Variants in VPS13A observed in about 807,000 individuals in gnomAD.
The protein encoded by VPS13A is vacuolar protein sorting 13 homolog A, also known as intermembrane lipid transfer protein VPS13A.
Under a neutral mutation model 390.9 loss-of-function variants are expected in VPS13A, and 264 were observed. The ratio of observed to expected loss-of-function variants is 0.68; its 90% CI spans 0.61 to 0.75. VPS13A has a LOEUF of 0.75. Among genes scored for constraint, VPS13A ranks in the 30% least tolerant of loss-of-function variants. VPS13A has a pLI of 0.00. For synonymous variants in VPS13A, 1,231 were observed against 1,227.1 expected (o/e 1.00, Z -0.07); for missense variants, 3,409 against 3,733.9 (o/e 0.91, Z 2.27).
chr9:77,223,921 G>A (rs1431565571), intron 13 of VPS13A, among the ~76,000 whole-genome samples: 2 of 152,106 alleles, frequency 1.3e-5, no homozygotes, highest in Admixed American at 1.3e-4. Context: ...AAGCTTCAAA[G>A]GACAGGCTGA....
At chr9:77,212,867 A>G (rs1372839244) in intron 7 of VPS13A, 102 bp from the exon 8 acceptor site, 5 of 1,241,772 alleles carry the variant, frequency 4.0e-6, no homozygotes, top group Admixed American at 3.6e-5. Flanking sequence ...AGGCATTTTC[A>G]TGAAAGGGAC....
chr9:77,392,456 A>G (rs1349651759), intron 68 of VPS13A, among the ~76,000 whole-genome samples: 12 of 152,150 alleles, frequency 7.9e-5, no homozygotes, highest in Admixed American at 7.9e-4. Context: ...ATTTTTTATT[A>G]TGCTTATCTG....
At position 77,205,353 on chromosome 9, in the gene VPS13A, T is replaced by C. The variant is rs115443572; in HGVS notation, c.228T>C (p.Thr76=). The change falls in exon 4 of 72, where the codon ACT becomes ACC. Residue 76 remains threonine (T), a synonymous_variant. Coordinates refer to ENST00000360280, the MANE Select transcript of VPS13A (RefSeq NM_033305.3). Reference sequence around the variant, plus strand: ...TAATTCCATGGAAAAACCTTTATACTCAACCTGTTGAAGCCGTATTGGAAG... The same window carrying C: ...TAATTCCATGGAAAAACCTTTATACCCAACCTGTTGAAGCCGTATTGGAAG... The part of the protein sequence containing the change: ...KLIIPWKNLY[T]QPVEAVLEEI... 1.6e-3 allele frequency: 2,348 copies of C among 1,514,484 alleles called. 35 individuals carry two copies. The African/African-American group carries it at 0.029, about 19-fold the overall frequency. 93.8% of individuals were successfully genotyped at this position (1,514,484 alleles called of 1,614,324 possible). A position where few individuals can be genotyped will look rare whatever the true frequency, so the allele number is the denominator to read the frequency against.
Position 77,264,852 on chromosome 9 carries a change from A to AGAGGG in VPS13A, c.2427+4629_2427+4633dup, listed in dbSNP as rs1159690470. Reference sequence around the variant, plus strand: ...TACTATGTTGAATAGGAGTGGTGAGAGAGGGCATTCTTGTCTTGTGCCAGT... The same window carrying AGAGGG: ...TACTATGTTGAATAGGAGTGGTGAGAGAGGGGAGGGCATTCTTGTCTTGTGCCAGT... On this transcript the variant is annotated intron_variant, in intron 23 of 71. Coordinates refer to ENST00000360280, the MANE Select transcript of VPS13A (RefSeq NM_033305.3). Among the ~76,000 whole-genome samples the AGAGGG allele has an allele frequency of 5.6e-4, 86 of 152,310 alleles. 3 individuals are homozygous for AGAGGG. The highest frequency in any genetic ancestry group is 1.9e-4 in the Non-Finnish European group (13 of 68,038).
chr9:77,197,761 C>G (rs1825087561), intron 1 of VPS13A, among the ~76,000 whole-genome samples: 1 of 151,978 alleles, frequency 6.6e-6, no homozygotes, highest in African/African-American at 2.4e-5. Context: ...TAATTTTATA[C>G]AATATTTTAA....
At chr9:77,259,761 T>C (rs144891455) in intron 22 of VPS13A, among the ~76,000 whole-genome samples, 1 of 152,272 alleles carries the variant, frequency 6.6e-6, no homozygotes, top group Non-Finnish European at 1.5e-5. Context: ...GCCTCATAGA[T>C]TGTGAGGACT....
At chr9:77,280,819 A>G (rs1564691553) in intron 27 of VPS13A, among the ~76,000 whole-genome samples, 1 of 152,188 alleles carries the variant, frequency 6.6e-6, no homozygotes, top group African/African-American at 2.4e-5. Context: ...GCTATCCATT[A>G]TTGACTAGAT....
intron 1 of VPS13A, chr9:77,178,303 G>C (rs547662482): frequency 4.7e-4 from 73 of 154,586 alleles, no homozygotes; most frequent in African/African-American, 1.7e-3. Context: ...GGGGACGCCC[G>C]CTTCCTTGCT....
At chr9:77,292,003 C>T (rs1441348476) in intron 31 of VPS13A, among the ~76,000 whole-genome samples, 2 of 152,132 alleles carry the variant, frequency 1.3e-5, no homozygotes, top group East Asian at 1.9e-4. Flanking sequence ...CCCTAGGATA[C>T]TGTATCTTCA....
intron 1 of VPS13A, among the ~76,000 whole-genome samples, chr9:77,193,868 G>T (rs935932453): frequency 1.3e-5 from 2 of 152,076 alleles, no homozygotes; most frequent in Admixed American, 1.3e-4. Flanking sequence ...GAGTTTAGTC[G>T]ACTGGCATAG....
chr9:77,390,128 C>T (rs1471288302), intron 68 of VPS13A: 17 of 985,244 alleles, frequency 1.7e-5, no homozygotes, highest in Non-Finnish European at 2.0e-5. Context: ...TTCCTGGCTT[C>T]ATCTGAAAAT....
chr9:77,283,382 T>C lies in VPS13A; in HGVS notation c.3146T>C (p.Ile1049Thr), dbSNP rs1437731472. The stretch of plus-strand genomic sequence containing the variant: ...TTAAAACTATCCACAAATGAAGATA[T>C]CATTACTTTGCAGATTTTAGCAGAA... ...LALKLSTNED[I>T]ITLQILAELS... Residue 1049 changes from isoleucine (I) to threonine (T), a missense_variant, in exon 30 of 72, where the codon ATC becomes ACC. Ile to Thr is a moderately conservative substitution (Grantham distance 89). Around this residue, in one of 5 missense-constraint regions of VPS13A, gnomAD observed 2,717 missense variants for 2,917.4 expected, o/e 0.93. Coordinates refer to ENST00000360280, the MANE Select transcript of VPS13A (RefSeq NM_033305.3). 12 of 1,603,694 alleles carry C rather than the reference T, an allele frequency of 7.5e-6. 1 individual carries two copies. In the South Asian group the frequency reaches 1.1e-4, roughly 15 times the overall value.
At chr9:77,188,055 C>G (rs966988871) in intron 1 of VPS13A, among the ~76,000 whole-genome samples, 3 of 152,138 alleles carry the variant, frequency 2.0e-5, no homozygotes, top group Non-Finnish European at 4.4e-5. Flanking sequence ...GCTGTCCTTG[C>G]AATAGTTCTT....
intron 71 of VPS13A, among the ~76,000 whole-genome samples, chr9:77,409,932 G>C (rs1563999951): frequency 6.6e-6 from 1 of 151,232 alleles, no homozygotes; most frequent in Non-Finnish European, 1.5e-5. Context: ...TCAAATTCAG[G>C]AAATACAGAG....
rs72744294 is a variant in VPS13A at position 77,315,426 on chromosome 9, C to G, written c.4586C>G (p.Thr1529Ser). The G allele has an allele frequency of 1.4e-5, 22 of 1,613,942 alleles. No individual in the cohort carries two copies. Among genetic ancestry groups the G allele is most frequent in the Non-Finnish European group, 1.9e-5 (22 of 1,179,870 alleles). Reference sequence around the variant, plus strand: ...TTTCTTGAGGCCTACACCACAGGCACTGCTGTAGAAACCAGTGTGCAAACA... The same window carrying G: ...TTTCTTGAGGCCTACACCACAGGCAGTGCTGTAGAAACCAGTGTGCAAACA... ...NVFLEAYTTG[T>S]AVETSVQTWT... Residue 1529 changes from threonine (T) to serine (S), a missense_variant, in exon 38 of 72, where the codon ACT becomes AGT. By Grantham distance (58) the Thr-to-Ser change is moderately conservative. Around this residue, in one of 5 missense-constraint regions of VPS13A, gnomAD observed 2,717 missense variants for 2,917.4 expected, o/e 0.93. Coordinates refer to ENST00000360280, the MANE Select transcript of VPS13A (RefSeq NM_033305.3).
At chr9:77,307,621 C>CA (rs953046272) in intron 34 of VPS13A, among the ~76,000 whole-genome samples, 6 of 151,860 alleles carry the variant, frequency 4.0e-5, no homozygotes, top group Admixed American at 2.6e-4. Context: ...GCTTACTAAC[C>CA]AAAAAAATCC....
intron 33 of VPS13A, among the ~76,000 whole-genome samples, chr9:77,301,429 A>G (rs971336376): frequency 1.3e-5 from 2 of 152,192 alleles, no homozygotes; most frequent in African/African-American, 4.8e-5. Flanking sequence ...GGAGACTGCA[A>G]GCATGCAGGC....
rs1418151735 is a variant in VPS13A at position 77,318,678 on chromosome 9, T to A, written c.5313+87T>A. 3.1e-5 allele frequency: 39 copies of A among 1,260,388 alleles called. No individual in the cohort carries two copies. The South Asian group carries it at 3.5e-4, about 11-fold the overall frequency. 78.1% of individuals were successfully genotyped at this position (1,260,388 alleles called of 1,614,324 possible). On this transcript the variant is annotated intron_variant, in intron 41 of 71. Coordinates refer to ENST00000360280, the MANE Select transcript of VPS13A (RefSeq NM_033305.3). ...ATGATACATATGGAATATTATGGAATCTTGTGTAGCTATTTAAGCTTATTG... is the reference window on the plus strand; with the variant it reads ...ATGATACATATGGAATATTATGGAAACTTGTGTAGCTATTTAAGCTTATTG...
At chr9:77,199,587 TC>T (rs1825206362) in intron 1 of VPS13A, among the ~76,000 whole-genome samples, 1 of 152,242 alleles carries the variant, frequency 6.6e-6, no homozygotes, top group South Asian at 2.1e-4. Context: ...AATAATTTTT[TC>T]TCAATGGTTT....
Sources: gnomAD v4.1 joint callset for allele counts (sites outside exome capture counted in the v4.1 genomes callset) on GRCh38, gnomAD v4.1.1 for gene constraint, gnomAD v4.1.1 regional missense constraint, MANE v1.5 for transcripts, NCBI Gene and HGNC (gene_info 2026-07-23, HGNC 2026-07-21) for gene names.